The following EEF2KMT variants were observed in gnomAD, a reference collection of about 807,000 sequenced individuals.
The protein encoded by EEF2KMT is eukaryotic elongation factor 2 lysine methyltransferase.
In EEF2KMT, 30 loss-of-function variants were observed where a neutral mutation model predicts 35.1. That is an observed-to-expected ratio of 0.85 (90% confidence interval 0.64 to 1.16). EEF2KMT has a LOEUF of 1.16. Among genes scored for constraint, EEF2KMT ranks in the 50% most tolerant of loss-of-function variants. The pLI, the probability that EEF2KMT is intolerant of heterozygous loss-of-function variation, is 0.00. For missense variants in EEF2KMT, 499 were observed against 438.2 expected (o/e 1.14, Z -1.24); for synonymous variants, 190 against 187.7 (o/e 1.01, Z -0.10).
Position 5,090,148 on chromosome 16 carries a change from C to T in EEF2KMT, c.678G>A (p.Leu226=), listed in dbSNP as rs756866926. 2.5e-6 allele frequency: 4 copies of T among 1,611,010 alleles called. No homozygotes were observed. In the East Asian group the frequency reaches 6.7e-5, roughly 27 times the overall value. The change falls in exon 6 of 8, where the codon CTG becomes CTA. Residue 226 remains leucine, a synonymous_variant. Coordinates refer to ENST00000427587, the MANE Select transcript of EEF2KMT (RefSeq NM_201400.4). This position sits in a 1 kb window ranked among gnomAD's most constrained non-coding sequence, Gnocchi z 4.1. ...GATGGACCGTCGCGACGTCCCAGTC[C>T]AGCTGGGCCACTGTCACCCTGGGGC... The part of the protein sequence containing the change: ...LDSPRVTVAQ[L]DWDVATVHQL...
At position 5,091,877 on chromosome 16, in the gene EEF2KMT, C is replaced by T. The variant is rs769951038; in HGVS notation, c.259G>A (p.Glu87Lys). The T allele has an allele frequency of 6.2e-7, 1 of 1,611,906 alleles. No homozygotes were observed. The highest frequency in any genetic ancestry group is 1.3e-5 in the African/African-American group (1 of 74,984). The change falls in exon 4 of 8, where the codon GAG becomes AAG. Residue 87 changes from glutamate to lysine, a missense_variant. By Grantham distance (56) the Glu-to-Lys change is moderately conservative. Transcript: ENST00000427587. Reference protein sequence around the residue: ...LIKKHEAVHTEPLDELYEALA... With the variant: ...LIKKHEAVHTKPLDELYEALA... ...GCTTCATACAGCTCGTCCAAAGGCT[C>T]TGTGTGGACAGCCTCGTGCTGGGGG... is the stretch of plus-strand genomic sequence containing the variant.
At chr16:5,093,227 A>G (rs1459343571) in intron 3 of EEF2KMT, among the ~76,000 whole-genome samples, 2 of 152,068 alleles carry the variant, frequency 1.3e-5, no homozygotes, top group East Asian at 3.9e-4. Context: ...GAGAATCCAT[A>G]TGCTAGGAGC....
intron 2 of EEF2KMT, among the ~76,000 whole-genome samples, 154 bp from the exon 3 acceptor site, chr16:5,093,718 T>G (rs1341551219): frequency 6.6e-6 from 1 of 152,242 alleles, no homozygotes; most frequent in Non-Finnish European, 1.5e-5. Context: ...CATCTGAAGT[T>G]TGTCTTAAGA....
Position 5,084,560 on chromosome 16 carries a change from T to C in EEF2KMT, c.*1072A>G, listed in dbSNP as rs1276782154. ...GGGAAAGTGGGACATGCGGGGAAGT[T>C]TCCAGAAACTGTGATGTCAAGTTGG... is the stretch of plus-strand genomic sequence containing the variant. On this transcript the variant is annotated 3_prime_UTR_variant, in exon 8 of 8. Coordinates refer to ENST00000427587, the MANE Select transcript of EEF2KMT (RefSeq NM_201400.4). 3 of 937,630 alleles carry C rather than the reference T, an allele frequency of 3.2e-6. No individual in the cohort carries two copies. The highest frequency in any genetic ancestry group is 4.9e-6 in the Non-Finnish European group (3 of 618,522). The allele number at this position is 937,630 out of a possible 1,614,324, so 58.1% of individuals were successfully genotyped here. A position where few individuals can be genotyped will look rare whatever the true frequency, so the allele number is the denominator to read the frequency against.
Position 5,087,390 on chromosome 16 carries a change from G to A in EEF2KMT, c.893-1658C>T, listed in dbSNP as rs1469489995. ...TTGTTTTGAGATGAAGTCTCGCTAT[G>A]TTGCTCAAGGTGGCCACAAACTCCT... is the stretch of plus-strand genomic sequence containing the variant. On this transcript the variant is annotated intron_variant, in intron 7 of 7. Transcript: ENST00000427587. 3 of 152,330 alleles carry A rather than the reference G, an allele frequency of 2.0e-5. No homozygotes were observed. In the East Asian group the frequency reaches 5.8e-4, roughly 29 times the overall value. The allele number at this position is 152,330 out of a possible 1,614,324, so 9.4% of individuals were successfully genotyped here.
chr16:5,088,562 C>G (rs902251071), intron 7 of EEF2KMT, among the ~76,000 whole-genome samples: 1 of 152,120 alleles, frequency 6.6e-6, no homozygotes, highest in African/African-American at 2.4e-5. Context: ...GTCCTAGTGT[C>G]TTTGTTGGTG....
At position 5,084,572 on chromosome 16, in the gene EEF2KMT, T is replaced by G; in HGVS notation, c.*1060A>C. The G allele has an allele frequency of 1.0e-6, 1 of 992,162 alleles. No homozygotes were observed. The highest frequency in any genetic ancestry group is 1.5e-6 in the Non-Finnish European group (1 of 664,502). The allele number at this position is 992,162 out of a possible 1,614,324, so 61.5% of individuals were successfully genotyped here. A position where few individuals can be genotyped will look rare whatever the true frequency, so the allele number is the denominator to read the frequency against. ...CATGCGGGGAAGTTTCCAGAAACTG[T>G]GATGTCAAGTTGGAGGCGGAGTGCT... On this transcript the variant is annotated 3_prime_UTR_variant, in exon 8 of 8. Coordinates refer to ENST00000427587, the MANE Select transcript of EEF2KMT (RefSeq NM_201400.4).
chr16:5,088,759 C>T (rs998209618), intron 7 of EEF2KMT, among the ~76,000 whole-genome samples: 8 of 152,170 alleles, frequency 5.3e-5, no homozygotes, highest in Non-Finnish European at 1.0e-4. Context: ...CTCCAGCGTC[C>T]TGCAGGCCAC....
At position 5,089,121 on chromosome 16, in the gene EEF2KMT, A is replaced by G. The variant is rs755855156; in HGVS notation, c.878T>C (p.Phe293Ser). 11 of 1,612,726 alleles carry G rather than the reference A, an allele frequency of 6.8e-6. No individual in the cohort carries two copies. The South Asian group carries it at 1.2e-4, about 18-fold the overall frequency. ...TVRNPETCQL[F>S]TTELGRAGIR... ...TGGAGGCTCACCTAGCTCGGTGGTG[A>G]ACAGCTGGCACGTCTCTGGGTTGCG... The change falls in exon 7 of 8, where the codon TTC becomes TCC. Residue 293 changes from phenylalanine to serine, a missense_variant. By Grantham distance (155) the Phe-to-Ser change is radical (BLOSUM62 -2). Transcript: ENST00000427587.
At chr16:5,089,307 T>G in intron 6 of EEF2KMT, 51 bp from the exon 7 acceptor site, 1 of 1,596,268 alleles carries the variant, frequency 6.3e-7, no homozygotes, top group Non-Finnish European at 8.5e-7. Context: ...CAGGTCCAGG[T>G]CATGCTGACG....
Position 5,091,884 on chromosome 16 carries a change from G to C in EEF2KMT, c.252C>G (p.Val84=), listed in dbSNP as rs771943487. 1 of 1,611,774 alleles carries C rather than the reference G, an allele frequency of 6.2e-7. No individual in the cohort carries two copies. The highest frequency in any genetic ancestry group is 1.7e-5 in the Admixed American group (1 of 59,994). ...LSELIKKHEA[V]HTEPLDELYE... Reference sequence around the variant, plus strand: ...ACAGCTCGTCCAAAGGCTCTGTGTGGACAGCCTCGTGCTGGGGGCAGACAG... The same window carrying C: ...ACAGCTCGTCCAAAGGCTCTGTGTGCACAGCCTCGTGCTGGGGGCAGACAG... The change falls in exon 4 of 8, where the codon GTC becomes GTG. Residue 84 remains valine, a synonymous_variant. Transcript: ENST00000427587.
intron 6 of EEF2KMT, 125 bp downstream of exon 6, chr16:5,089,959 A>G: frequency 4.0e-6 from 6 of 1,482,944 alleles, no homozygotes; most frequent in Non-Finnish European, 5.4e-6. Flanking sequence ...GGCCCAGAGT[A>G]ACTCTTCTGG....
At chr16:5,095,578 G>A in intron 1 of EEF2KMT, 64 bp from the exon 2 acceptor site, 1 of 1,606,760 alleles carries the variant, frequency 6.2e-7, no homozygotes, top group Non-Finnish European at 8.5e-7. Flanking sequence ...ACACGCAATA[G>A]AATGTGTTGG....
At position 5,090,676 on chromosome 16, in the gene EEF2KMT, C is replaced by T. The variant is rs1219377043; in HGVS notation, c.343-111G>A. ...TAAACCATGACAGGACCAATCGCCACTCAGCAATGAGAAGCAGCTAACTGT... is the reference window on the plus strand; with the variant it reads ...TAAACCATGACAGGACCAATCGCCATTCAGCAATGAGAAGCAGCTAACTGT... On this transcript the variant is annotated intron_variant, in intron 4 of 7. Transcript: ENST00000427587. The surrounding 1 kb of genome is among the most constrained non-coding windows in gnomAD (Gnocchi z 4.1). 5.6e-6 allele frequency: 8 copies of T among 1,419,788 alleles called. No homozygotes were observed. Among genetic ancestry groups the T allele is most frequent in the Admixed American group, 2.0e-5 (1 of 50,560 alleles). 87.9% of individuals were successfully genotyped at this position (1,419,788 alleles called of 1,614,324 possible).
chr16:5,087,813 A>AC (rs1567176414), intron 7 of EEF2KMT, among the ~76,000 whole-genome samples: 1 of 151,438 alleles, frequency 6.6e-6, no homozygotes, highest in African/African-American at 2.4e-5. Context: ...AAAAAAAAAA[A>AC]AAAAAAAAGG....
chr16:5,085,272 G>A lies in EEF2KMT; in HGVS notation c.*360C>T. 4.1e-6 allele frequency: 2 copies of A among 492,900 alleles called. No homozygotes were observed. The highest frequency in any genetic ancestry group is 7.8e-5 in the East Asian group (2 of 25,560). The allele number at this position is 492,900 out of a possible 1,614,324, so 30.5% of individuals were successfully genotyped here. ...AGCACCTGCTGCACCGTAAGCCCAG[G>A]GATGTGGCAGCTGCAGTGGGCTTGG... On this transcript the variant is annotated 3_prime_UTR_variant, in exon 8 of 8. Transcript: ENST00000427587.
Position 5,090,065 on chromosome 16 carries a change from G to GC in EEF2KMT, c.742+18dup, listed in dbSNP as rs1380999495. ...TGCAAGGACACCACCTGCACAGGGT[G>GC]CCCGGGGCTGGGCATTACCTGCTGC... On this transcript the variant is annotated intron_variant, in intron 6 of 7. Coordinates refer to ENST00000427587, the MANE Select transcript of EEF2KMT (RefSeq NM_201400.4). This position sits in a 1 kb window ranked among gnomAD's most constrained non-coding sequence, Gnocchi z 4.1. 1 of 1,600,884 alleles carries GC rather than the reference G, an allele frequency of 6.2e-7. No individual in the cohort carries two copies. Among genetic ancestry groups the GC allele is most frequent in the Non-Finnish European group, 8.5e-7 (1 of 1,179,786 alleles).
chr16:5,094,071 G>A (rs564292548), intron 2 of EEF2KMT, among the ~76,000 whole-genome samples: 1 of 152,324 alleles, frequency 6.6e-6, no homozygotes, highest in Admixed American at 6.5e-5. Flanking sequence ...CAAGCTCTGA[G>A]GTGGCCACAG....
At position 5,091,811 on chromosome 16, in the gene EEF2KMT, G is replaced by A; in HGVS notation, c.325C>T (p.His109Tyr). ...TCTCATACCAGCAAATAGCTCCGGT[G>A]GCCCTGGGTGGACTCCTTGGCCATC... ...TLMAKESTQG[H>Y]RSYLLPSGGS... The change falls in exon 4 of 8, where the codon CAC becomes TAC. Residue 109 changes from histidine (H) to tyrosine (Y), a missense_variant. Transcript: ENST00000427587. 1.2e-6 allele frequency: 2 copies of A among 1,611,804 alleles called. No individual in the cohort carries two copies. The highest frequency in any genetic ancestry group is 1.7e-6 in the Non-Finnish European group (2 of 1,179,754).
Sources: allele counts gnomAD v4.1 joint callset (sites outside exome capture counted in the v4.1 genomes callset), GRCh38; gene constraint gnomAD v4.1.1; non-coding constraint Gnocchi (gnomAD v3.1); transcripts MANE v1.5; gene names NCBI Gene and HGNC (gene_info 2026-07-23, HGNC 2026-07-21).